ERMP1: variants seen among roughly 807,000 people sequenced by gnomAD.
ERMP1 encodes Felix-ina.
A neutral mutation model predicts 92.0 loss-of-function variants in ERMP1; 86 were observed. That is an observed-to-expected ratio of 0.93 (90% CI 0.79 to 1.12). ERMP1 has a LOEUF of 1.12. ERMP1 is among the 50% of genes most tolerant of loss of function. The pLI is 0.00. For synonymous variants in ERMP1, 530 were observed against 412.8 expected (o/e 1.28, Z -3.44); for missense variants, 1,342 against 1,116.3 (o/e 1.20, Z -2.88).
intron 4 of ERMP1, among the ~76,000 whole-genome samples, chr9:5,818,005 T>C (rs1829384724): frequency 6.6e-6 from 1 of 152,106 alleles, no homozygotes; most frequent in Admixed American, 6.6e-5. Context: ...TAAAGCTGAC[T>C]AGAATTGTTC....
rs1480053262 is a variant in ERMP1, at chr9:5,812,156, G to A, written c.1083C>T (p.Asp361=). ...YIYHTKYDTA[D]RILTDSIQRA... Reference sequence around the variant, plus strand: ...TCTGAATGGAATCTGTTAGAATTCTGTCCGCTGTGTCATACTTGGTGTGAT... The same window carrying A: ...TCTGAATGGAATCTGTTAGAATTCTATCCGCTGTGTCATACTTGGTGTGAT... The change falls in exon 6 of 15, where the codon GAC becomes GAT. Residue 361 remains aspartate, a synonymous_variant. Coordinates refer to ENST00000339450, the MANE Select transcript of ERMP1 (RefSeq NM_024896.3). The A allele has an allele frequency of 1.2e-6, 2 of 1,610,070 alleles. No homozygotes were observed. Among genetic ancestry groups the A allele is most frequent in the Non-Finnish European group, 1.7e-6 (2 of 1,178,068 alleles).
intron 6 of ERMP1, among the ~76,000 whole-genome samples, chr9:5,838,441 A>C (rs2129727364): frequency 6.6e-6 from 1 of 152,116 alleles, no homozygotes; most frequent in African/African-American, 2.4e-5. Context: ...TCTACTAGGG[A>C]GACTGAGGTG....
chr9:5,835,283 G>C (rs897505089), upstream of ERMP1, among the ~76,000 whole-genome samples: 1 of 152,194 alleles, frequency 6.6e-6, no homozygotes, highest in Admixed American at 6.5e-5. Flanking sequence ...TTAAGGTGGA[G>C]AAACAGAGAA....
At position 5,786,461 on chromosome 9, in the gene ERMP1, G is replaced by A. The variant is rs1166681943; in HGVS notation, c.*683C>T. The A allele has an allele frequency of 6.6e-6, 1 of 152,422 alleles. No individual in the cohort carries two copies. The highest frequency in any genetic ancestry group is 2.1e-4 in the South Asian group (1 of 4,826). 9.4% of individuals were successfully genotyped at this position (152,422 alleles called of 1,614,324 possible). On this transcript the variant is annotated 3_prime_UTR_variant, in exon 15 of 15. Transcript: ENST00000339450. ...AACAGACATGTTTCAGAGGAAAACA[G>A]GCATAGAAAACCACCTCAGGAAAGC...
At chr9:5,840,185 C>A (rs893450200) in intron 6 of ERMP1, among the ~76,000 whole-genome samples, 3 of 151,928 alleles carry the variant, frequency 2.0e-5, no homozygotes, top group African/African-American at 7.3e-5. Flanking sequence ...GAGATTGCAG[C>A]GAGCTGTGAT....
intron 13 of ERMP1, among the ~76,000 whole-genome samples, chr9:5,795,873 G>A (rs1586771064): frequency 1.3e-5 from 2 of 152,250 alleles, no homozygotes; most frequent in Non-Finnish European, 2.9e-5. Context: ...TCTAATAAGT[G>A]ATTATAGCAA....
chr9:5,858,069 G>C (rs1284309344), intron 6 of ERMP1, among the ~76,000 whole-genome samples: 2 of 152,190 alleles, frequency 1.3e-5, no homozygotes, highest in Non-Finnish European at 1.5e-5. Flanking sequence ...GGAAGTGGTT[G>C]AAAGACCTCA....
intron 4 of ERMP1, among the ~76,000 whole-genome samples, chr9:5,821,527 T>C (rs1211714322): frequency 6.6e-6 from 1 of 152,214 alleles, no homozygotes; most frequent in Non-Finnish European, 1.5e-5. Flanking sequence ...ACTTAATAAA[T>C]GTAAATAAGT....
At chr9:5,851,627 C>T (rs1279307125) in intron 6 of ERMP1, among the ~76,000 whole-genome samples, 1 of 152,162 alleles carries the variant, frequency 6.6e-6, no homozygotes, top group East Asian at 1.9e-4. Flanking sequence ...AAAGGAACTT[C>T]CTTCTATGGT....
At chr9:5,848,138 C>G (rs1345785979) in intron 6 of ERMP1, among the ~76,000 whole-genome samples, 1 of 152,130 alleles carries the variant, frequency 6.6e-6, no homozygotes, top group Non-Finnish European at 1.5e-5. Context: ...ATCCACAAGA[C>G]CTTTGAACGT....
chr9:5,841,205 T>C (rs1830158605), intron 6 of ERMP1, among the ~76,000 whole-genome samples: 1 of 152,230 alleles, frequency 6.6e-6, no homozygotes, highest in Non-Finnish European at 1.5e-5. Flanking sequence ...AAGCCAGAAG[T>C]ACCAAGAATA....
upstream of ERMP1, among the ~76,000 whole-genome samples, chr9:5,834,653 T>C (rs574810012): frequency 6.6e-6 from 1 of 152,116 alleles, no homozygotes; most frequent in African/African-American, 2.4e-5. Flanking sequence ...CCATAGTGCT[T>C]AGCTCTGGAT....
Position 5,810,189 on chromosome 9 carries a change from G to C in ERMP1, c.1370C>G (p.Thr457Ser), listed in dbSNP as rs758828525. 3.1e-6 allele frequency: 5 copies of C among 1,613,934 alleles called. No individual in the cohort carries two copies. In the African/African-American group the frequency reaches 4.0e-5, roughly 13 times the overall value. Residue 457 changes from threonine (T) to serine (S), a missense_variant, in exon 8 of 15, where the codon ACT becomes AGT. By Grantham distance (58) the Thr-to-Ser change is moderately conservative. Coordinates refer to ENST00000339450, the MANE Select transcript of ERMP1 (RefSeq NM_024896.3). ...AAGGCTAGTGAACCAGCTGATCAAA[G>C]TGATGCCAAGTCCACACAAGAAGTC... ...KKDFLCGLGI[T>S]LISWFTSLVT... is the part of the protein sequence containing the mutation.
Position 5,787,448 on chromosome 9 carries a change from C to G in ERMP1, c.2532G>C (p.Gln844His). Residue 844 changes from glutamine to histidine, a missense_variant, in exon 14 of 15, where the codon CAG (glutamine) becomes CAC (histidine). Gln to His is a conservative substitution (Grantham distance 24). Coordinates refer to ENST00000339450, the MANE Select transcript of ERMP1 (RefSeq NM_024896.3). The part of the protein sequence containing the change: ...YSHGLQASAW[Q>H]FWIEVQVSEE... Reference sequence around the variant, plus strand: ...TTGGCACCTGCACTTCTATCCAGAACTGCCATGCAGAGGCCTGGAGTCCAT... The same window carrying G: ...TTGGCACCTGCACTTCTATCCAGAAGTGCCATGCAGAGGCCTGGAGTCCAT... 2 of 1,613,384 alleles carry G rather than the reference C, an allele frequency of 1.2e-6. No individual in the cohort carries two copies. Among genetic ancestry groups the G allele is most frequent in the Non-Finnish European group, 8.5e-7 (1 of 1,179,780 alleles).
chr9:5,828,489 A>G (rs1162194668), intron 2 of ERMP1, among the ~76,000 whole-genome samples: 4 of 152,246 alleles, frequency 2.6e-5, no homozygotes, highest in East Asian at 1.9e-4. Flanking sequence ...AGGAATCTAT[A>G]TAACACTTTA....
At chr9:5,836,862 C>T (rs1349536243), upstream of ERMP1, among the ~76,000 whole-genome samples, 1 of 152,128 alleles carries the variant, frequency 6.6e-6, no homozygotes, top group African/African-American at 2.4e-5. Flanking sequence ...ATCTTCAGAG[C>T]TTTTCTACCC....
At chr9:5,853,248 T>A (rs1295851944) in intron 6 of ERMP1, among the ~76,000 whole-genome samples, 1 of 152,140 alleles carries the variant, frequency 6.6e-6, no homozygotes, top group South Asian at 2.1e-4. Context: ...CAAAGGGAAA[T>A]TTATGTCCTG....
At chr9:5,846,973 C>T (rs1830244228) in intron 6 of ERMP1, among the ~76,000 whole-genome samples, 2 of 152,150 alleles carry the variant, frequency 1.3e-5, no homozygotes, top group African/African-American at 4.8e-5. Context: ...TTCAGGTTTC[C>T]CACAGGGGTG....
chr9:5,801,283 T>A lies in ERMP1; in HGVS notation c.1960A>T (p.Thr654Ser), dbSNP rs147318623. The A allele has an allele frequency of 7.7e-3, 12,478 of 1,613,416 alleles. 64 individuals carry two copies. Among genetic ancestry groups the A allele is most frequent in the Non-Finnish European group, 9.8e-3 (11,588 of 1,179,662 alleles). ...LAKSTKKTML[T>S]LTLVCAITFL... is the part of the protein sequence containing the mutation. ...GTAATTGCACATACCAAAGTTAAAG[T>A]TAGCATGGTTTTTTTTGTGCTCTTG... Residue 654 changes from threonine (T) to serine (S), a missense_variant, in exon 11 of 15, where the codon ACT becomes TCT. Coordinates refer to ENST00000339450, the MANE Select transcript of ERMP1 (RefSeq NM_024896.3).
Sources: gnomAD v4.1 joint callset for allele counts (sites outside exome capture counted in the v4.1 genomes callset) on GRCh38, gnomAD v4.1.1 for gene constraint, MANE v1.5 for transcripts, NCBI Gene and HGNC (gene_info 2026-07-23, HGNC 2026-07-21) for gene names.